POU2F2: variants seen among roughly 807,000 people sequenced by gnomAD.
POU2F2 encodes POU domain, class 2, transcription factor 2.
Under a neutral mutation model 63.5 loss-of-function variants are expected in POU2F2, and 14 were observed. That is an observed-to-expected ratio of 0.22 (90% CI 0.15 to 0.34). The LOEUF (loss-of-function observed/expected upper bound fraction) is 0.34. POU2F2 is among the 10% of genes least tolerant of loss of function. The pLI, the probability that POU2F2 is intolerant of heterozygous loss-of-function variation, is 1.00. For synonymous variants in POU2F2, 306 were observed against 348.6 expected (o/e 0.88, Z 1.36); for missense variants, 607 against 815.2 (o/e 0.74, Z 3.11).
intron 1 of POU2F2, among the ~76,000 whole-genome samples, chr19:42,187,889 C>T (rs963476424): frequency 6.6e-6 from 1 of 151,996 alleles, no homozygotes; most frequent in Non-Finnish European, 1.5e-5. Context: ...GTAGGCCACC[C>T]CTAAGAGGTC....
At chr19:42,109,055 G>C (rs1404844452) in intron 5 of POU2F2, among the ~76,000 whole-genome samples, 2 of 152,250 alleles carry the variant, frequency 1.3e-5, no homozygotes, top group Non-Finnish European at 2.9e-5. Flanking sequence ...CTATGACTGG[G>C]GGCAGAAAGG....
At chr19:42,136,537 C>T (rs1249820504), upstream of POU2F2, 2 of 152,174 alleles carry the variant, frequency 1.3e-5, no homozygotes, top group Non-Finnish European at 2.9e-5. Context: ...TCATGACAGT[C>T]TGAGGAGGTA....
Position 42,169,877 on chromosome 19 carries a change from T to TCA in POU2F2, c.-70+6084_-70+6085dup, listed in dbSNP as rs1357477084. Among the ~76,000 whole-genome samples, 3 of 151,732 alleles carry TCA rather than the reference T, an allele frequency of 2.0e-5. No individual in the cohort carries two copies. Among genetic ancestry groups the TCA allele is most frequent in the African/African-American group, 2.4e-5 (1 of 41,296 alleles). ...TACCTTTTCTCTGTCTCTCTCTCTCTCACACACACACCCTTGCTCATATGT... is the reference window on the plus strand; with the variant it reads ...TACCTTTTCTCTGTCTCTCTCTCTCTCACACACACACACCCTTGCTCATATGT... On this transcript the variant is annotated intron_variant, in intron 1 of 6. Coordinates refer to the POU2F2 transcript ENST00000524801. The surrounding 1 kb of genome is among the most constrained non-coding windows in gnomAD (Gnocchi z 4.3).
intron 1 of POU2F2, among the ~76,000 whole-genome samples, 190 bp downstream of exon 1, chr19:42,132,194 T>A (rs183024722): frequency 6.6e-6 from 1 of 152,076 alleles, no homozygotes; most frequent in Admixed American, 6.5e-5. Context: ...CGGTGCCTGA[T>A]GTGGAAAGAG....
upstream of POU2F2, among the ~76,000 whole-genome samples, chr19:42,180,894 A>AT (rs112622594): frequency 0.031 from 4,316 of 140,106 alleles, 191 homozygotes; most frequent in African/African-American, 0.1. Flanking sequence ...ACACCCATCT[A>AT]TTTTTTTTTT....
intron 2 of POU2F2, among the ~76,000 whole-genome samples, chr19:42,149,217 C>T (rs1044023083): frequency 7.9e-5 from 12 of 152,166 alleles, no homozygotes; most frequent in East Asian, 1.9e-4. Flanking sequence ...CCACACAGCG[C>T]GTCTGTGGCA....
At chr19:42,132,516 G>A (rs2033842699), upstream of POU2F2, 22 of 1,120,526 alleles carry the variant, frequency 2.0e-5, no homozygotes, top group Non-Finnish European at 2.6e-5. Flanking sequence ...AAACCACAGG[G>A]CCGGTCCGCC....
rs2035043214 is a variant in POU2F2 at position 42,188,796 on chromosome 19, GGAAA to G, written c.-70+7583_-70+7586del. On this transcript the variant is annotated intron_variant, in intron 1 of 5. Transcript: ENST00000532176. The stretch of plus-strand genomic sequence containing the variant: ...GGGAGGGAGGGAAGGAAAGGGAGAG[GGAAA>G]GAAAGAGAAAGAAAGAAAAAGAGAG... 2.1e-5 allele frequency among the ~76,000 whole-genome samples: 3 copies of G among 141,422 alleles called. No homozygotes were observed. The South Asian group carries it at 6.9e-4, about 33-fold the overall frequency. The allele number at this position is 141,422 out of a possible 152,430, so 92.8% of individuals were successfully genotyped here.
rs528675978 is a variant in POU2F2 at position 42,147,912 on chromosome 19, G to A, written c.-9+12420C>T. Among the ~76,000 whole-genome samples the A allele has an allele frequency of 3.3e-5, 5 of 152,264 alleles. No homozygotes were observed. The South Asian group carries it at 1.0e-3, about 32-fold the overall frequency. On this transcript the variant is annotated intron_variant, in intron 2 of 6. Transcript: ENST00000524801. ...TTTCCCCTTTCCCTGACCCCTATGA[G>A]GTAGTAGTTATGACCCAGAGGAGGA...
At chr19:42,159,982 T>C (rs1040756704) in intron 2 of POU2F2, among the ~76,000 whole-genome samples, 1 of 152,142 alleles carries the variant, frequency 6.6e-6, no homozygotes, top group African/African-American at 2.4e-5. Flanking sequence ...GCTCAAACTT[T>C]CCCAAGTCCC....
At chr19:42,193,736 A>G (rs1207258832) in intron 1 of POU2F2, among the ~76,000 whole-genome samples, 3 of 152,240 alleles carry the variant, frequency 2.0e-5, no homozygotes, top group African/African-American at 7.2e-5. Context: ...ACGCATACCT[A>G]TGTCCAGCAA....
At chr19:42,158,209 A>C (rs1436028991) in intron 2 of POU2F2, among the ~76,000 whole-genome samples, 1 of 152,232 alleles carries the variant, frequency 6.6e-6, no homozygotes, top group Non-Finnish European at 1.5e-5. Context: ...CTCCATCAGC[A>C]AAGCATCTCT....
intron 5 of POU2F2, chr19:42,116,733 G>T: frequency 2.9e-6 from 1 of 346,416 alleles, no homozygotes; most frequent in Non-Finnish European, 5.7e-6. Context: ...GGATGGGTTG[G>T]GACAAGGTGA....
Position 42,095,907 on chromosome 19 carries a change from C to A in POU2F2, c.752G>T (p.Gly251Val). ...FTQGDVGLAM[G>V]KLYGNDFSQT... ...GCTGAAGTCGTTGCCGTAGAGCTTG[C>A]CCATGGCCAGGCCCACATCACCCTG... Residue 251 changes from glycine to valine, a missense_variant, in exon 9 of 15, where the codon GGC becomes GTC. Physicochemically the swap from Gly to Val is moderately radical, Grantham distance 109 (BLOSUM62 -3). Transcript: ENST00000692977. This position sits in a 1 kb window ranked among gnomAD's most constrained non-coding sequence, Gnocchi z 7.1. 1 of 1,613,738 alleles carries A rather than the reference C, an allele frequency of 6.2e-7. No individual in the cohort carries two copies. The highest frequency in any genetic ancestry group is 8.5e-7 in the Non-Finnish European group (1 of 1,179,756).
chr19:42,177,496 G>A (rs2034908728), upstream of POU2F2, among the ~76,000 whole-genome samples: 1 of 151,040 alleles, frequency 6.6e-6, no homozygotes, highest in Admixed American at 6.6e-5. Flanking sequence ...GGAGAGGCCC[G>A]AGACCCACAG....
chr19:42,104,341 A>G (rs2077255194), intron 5 of POU2F2, among the ~76,000 whole-genome samples: 1 of 152,004 alleles, frequency 6.6e-6, no homozygotes, highest in Admixed American at 6.6e-5. Flanking sequence ...ACTGCTAAAA[A>G]TTTATCTATT....
At chr19:42,142,797 C>T (rs897538755) in intron 2 of POU2F2, among the ~76,000 whole-genome samples, 2 of 151,976 alleles carry the variant, frequency 1.3e-5, no homozygotes, top group East Asian at 3.9e-4. Flanking sequence ...CTCCCGGGCT[C>T]AAGCGATCCT....
chr19:42,176,329 TG>T (rs1412272172), upstream of POU2F2, among the ~76,000 whole-genome samples: 5 of 152,190 alleles, frequency 3.3e-5, no homozygotes, highest in African/African-American at 4.8e-5. Context: ...TTATTGGTAT[TG>T]TTTTTTTTCT....
chr19:42,164,291 C>CA (rs542411101), intron 1 of POU2F2, among the ~76,000 whole-genome samples: 1,470 of 87,978 alleles, frequency 0.017, 35 homozygotes, highest in African/African-American at 0.054. Flanking sequence ...CATTCTGTCT[C>CA]AAAAAAAAAA....
Sources: gnomAD v4.1 joint callset for allele counts (sites outside exome capture counted in the v4.1 genomes callset) on GRCh38, gnomAD v4.1.1 for gene constraint, Gnocchi (gnomAD v3.1) non-coding constraint, MANE v1.5 for transcripts, NCBI Gene and HGNC (gene_info 2026-07-23, HGNC 2026-07-21) for gene names.